CELA2B: variants seen among roughly 807,000 people sequenced by gnomAD.
CELA2B encodes chymotrypsin like elastase 2B.
In CELA2B, 27 loss-of-function variants were observed where a neutral mutation model predicts 36.5. That is an observed-to-expected ratio of 0.74 (90% confidence interval 0.55 to 1.02). CELA2B has a LOEUF of 1.02. CELA2B is among the 50% of genes least tolerant of loss of function. The pLI is 0.00. For missense variants in CELA2B, 340 were observed against 347.8 expected (o/e 0.98, Z 0.18); for synonymous variants, 143 against 148.5 (o/e 0.96, Z 0.27).
chr1:15,485,881 T>G lies in CELA2B; in HGVS notation c.494-20T>G. ...CAGGAGTCCCTGCGTCCCTAATGGCTTCTCTCTGGTCTCATTCAGCCAACG... is the reference window on the plus strand; with the variant it reads ...CAGGAGTCCCTGCGTCCCTAATGGCGTCTCTCTGGTCTCATTCAGCCAACG... On this transcript the variant is annotated intron_variant, in intron 5 of 7. Coordinates refer to ENST00000375910, the MANE Select transcript of CELA2B (RefSeq NM_015849.3). The G allele has an allele frequency of 6.2e-7, 1 of 1,613,686 alleles. No homozygotes were observed. Among genetic ancestry groups the G allele is most frequent in the Non-Finnish European group, 8.5e-7 (1 of 1,179,678 alleles).
intron 7 of CELA2B, among the ~76,000 whole-genome samples, chr1:15,489,817 G>C (rs1207192037): frequency 6.6e-6 from 1 of 152,126 alleles, no homozygotes; most frequent in African/African-American, 2.4e-5. Context: ...AAGTAAAAAA[G>C]TAGAAGTCCC....
intron 7 of CELA2B, among the ~76,000 whole-genome samples, chr1:15,489,287 C>T (rs535599904): frequency 2.0e-4 from 30 of 152,372 alleles, no homozygotes; most frequent in African/African-American, 7.0e-4. Context: ...CACAACAGAA[C>T]AGGCCAGATC....
intron 5 of CELA2B, 113 bp downstream of exon 5, chr1:15,483,513 G>A: frequency 6.5e-7 from 1 of 1,531,502 alleles, no homozygotes; most frequent in Non-Finnish European, 8.9e-7. Context: ...CTGCCTTGGA[G>A]AGACAGGATG....
chr1:15,484,796 G>A (rs1448583735), intron 5 of CELA2B, among the ~76,000 whole-genome samples: 1 of 152,064 alleles, frequency 6.6e-6, no homozygotes, highest in Non-Finnish European at 1.5e-5. Context: ...AAACACTGTT[G>A]GTGAAGACTA....
rs529933634 is a variant in CELA2B at position 15,481,142 on chromosome 1, C to A, written c.174C>A (p.Cys58Ter). ...YSSNGQWYHT[C>*]GGSLIANSWV... is the part of the protein sequence containing the mutation. Reference sequence around the variant, plus strand: ...CCAATGGCCAGTGGTACCACACCTGCGGAGGGTCCCTGATAGCCAACAGCT... The same window carrying A: ...CCAATGGCCAGTGGTACCACACCTGAGGAGGGTCCCTGATAGCCAACAGCT... The change falls in exon 3 of 8, where the codon TGC (cysteine) becomes TGA (stop). Residue 58 changes from cysteine to a stop codon, truncating the protein, a stop_gained. Coordinates refer to ENST00000375910, the MANE Select transcript of CELA2B (RefSeq NM_015849.3). LOFTEE classifies it high-confidence loss of function. The A allele has an allele frequency of 1.2e-6, 2 of 1,613,604 alleles. No homozygotes were observed. The highest frequency in any genetic ancestry group is 8.5e-7 in the Non-Finnish European group (1 of 1,180,028).
chr1:15,489,967 G>C (rs1263992120), intron 7 of CELA2B, among the ~76,000 whole-genome samples: 3 of 151,906 alleles, frequency 2.0e-5, no homozygotes, highest in Admixed American at 6.6e-5. Context: ...TGCGCCTCCC[G>C]GGTTCAAGCA....
chr1:15,488,519 AC>A (rs1185821215), intron 7 of CELA2B, among the ~76,000 whole-genome samples: 1 of 152,238 alleles, frequency 6.6e-6, no homozygotes, highest in Non-Finnish European at 1.5e-5. Context: ...CAGAGGAGAC[AC>A]CATGCCTGGT....
At chr1:15,477,048 C>G (rs1432338036) in intron 2 of CELA2B, among the ~76,000 whole-genome samples, 1 of 152,162 alleles carries the variant, frequency 6.6e-6, no homozygotes, top group Non-Finnish European at 1.5e-5. Flanking sequence ...GAGGTGCCTC[C>G]TCCAGCTGCA....
At chr1:15,491,212 CAGG>C (rs1708887511) in intron 7 of CELA2B, 80 bp from the exon 8 acceptor site, 2 of 1,555,616 alleles carry the variant, frequency 1.3e-6, no homozygotes, top group East Asian at 4.5e-5. Context: ...TAGCTTAGCC[CAGG>C]AGGACAGAGA....
intron 2 of CELA2B, among the ~76,000 whole-genome samples, chr1:15,479,387 G>C (rs1336738521): frequency 6.6e-6 from 1 of 151,778 alleles, no homozygotes; most frequent in Admixed American, 6.6e-5. Flanking sequence ...TCTATTAAAA[G>C]TAAAAAAAAT....
At chr1:15,482,180 C>A in intron 3 of CELA2B, 85 bp from the exon 4 acceptor site, 3 of 1,520,960 alleles carry the variant, frequency 2.0e-6, no homozygotes, top group Non-Finnish European at 2.7e-6. Context: ...GCTCATGAAG[C>A]AGCCAGTTAC....
In CELA2B at chr1:15,476,130, T is replaced by C; in HGVS notation, c.5T>C (p.Ile2Thr). ...CAGAACTCCCACGGACACACCATGA[T>C]TAGGACCCTGCTGCTGTCCACTTTG... M[I>T]RTLLLSTLVA... Residue 2 changes from isoleucine (I) to threonine (T), a missense_variant, in exon 1 of 8, where the codon ATT becomes ACT. Coordinates refer to ENST00000375910, the MANE Select transcript of CELA2B (RefSeq NM_015849.3). The C allele has an allele frequency of 6.2e-7, 1 of 1,614,070 alleles. No individual in the cohort carries two copies. Among genetic ancestry groups the C allele is most frequent in the Non-Finnish European group, 8.5e-7 (1 of 1,180,004 alleles).
Position 15,482,503 on chromosome 1 carries a change from G to A in CELA2B, c.356+110G>A, listed in dbSNP as rs1482251007. On this transcript the variant is annotated intron_variant, in intron 4 of 7. Transcript: ENST00000375910. ...CACACCCCCTCTGCTTTTTCTATAG[G>A]GAAGAGAAAGGAGCTCTGGCCTATT... 2.1e-6 allele frequency: 3 copies of A among 1,442,136 alleles called. No homozygotes were observed. The East Asian group carries it at 7.0e-5, about 33-fold the overall frequency. The allele number at this position is 1,442,136 out of a possible 1,614,324, so 89.3% of individuals were successfully genotyped here. A position where few individuals can be genotyped will look rare whatever the true frequency, so the allele number is the denominator to read the frequency against.
At chr1:15,479,330 A>G (rs1486083629) in intron 2 of CELA2B, among the ~76,000 whole-genome samples, 1 of 152,104 alleles carries the variant, frequency 6.6e-6, no homozygotes, top group Non-Finnish European at 1.5e-5. Context: ...GGATCACCTG[A>G]GGTCAGGAGT....
intron 6 of CELA2B, among the ~76,000 whole-genome samples, chr1:15,486,817 G>GAGT (rs1708810158): frequency 6.6e-6 from 1 of 152,118 alleles, no homozygotes. Context: ...AGTGGGGATG[G>GAGT]AGTAGGAAGG....
At chr1:15,478,632 C>G (rs530027765) in intron 2 of CELA2B, among the ~76,000 whole-genome samples, 137 of 150,152 alleles carry the variant, frequency 9.1e-4, no homozygotes, top group Non-Finnish European at 1.6e-3. Context: ...GTGGCGCAGT[C>G]TCAGCTAACT....
rs1166329507 is a variant in CELA2B at position 15,485,820 on chromosome 1, G to A, written c.494-81G>A. Reference sequence around the variant, plus strand: ...TGCAATGGATGGAAGATGGTAACAGGGGAAATCCAGTAGGGGTCCACCACT... The same window carrying A: ...TGCAATGGATGGAAGATGGTAACAGAGGAAATCCAGTAGGGGTCCACCACT... On this transcript the variant is annotated intron_variant, in intron 5 of 7. Transcript: ENST00000375910. 4 of 1,533,406 alleles carry A rather than the reference G, an allele frequency of 2.6e-6. No individual in the cohort carries two copies. The African/African-American group carries it at 4.1e-5, about 16-fold the overall frequency. 95.0% of individuals were successfully genotyped at this position (1,533,406 alleles called of 1,614,324 possible).
At chr1:15,477,987 T>G (rs1371004388) in intron 2 of CELA2B, among the ~76,000 whole-genome samples, 2 of 152,162 alleles carry the variant, frequency 1.3e-5, no homozygotes, top group Non-Finnish European at 2.9e-5. Context: ...TTCATTCATC[T>G]GCTCTTTGAT....
chr1:15,482,881 G>A (rs1708759439), intron 4 of CELA2B, among the ~76,000 whole-genome samples: 1 of 152,018 alleles, frequency 6.6e-6, no homozygotes, highest in Non-Finnish European at 1.5e-5. Flanking sequence ...CGCCTCCTGG[G>A]TTCACACCGT....
Sources: allele counts gnomAD v4.1 joint callset (sites outside exome capture counted in the v4.1 genomes callset), GRCh38; gene constraint gnomAD v4.1.1; transcripts MANE v1.5; gene names NCBI Gene and HGNC (gene_info 2026-07-23, HGNC 2026-07-21).